Variants in NPRL3 observed in about 807,000 individuals in gnomAD.
NPRL3 encodes the protein NPR3 like, GATOR1 complex subunit.
NPRL3 carries 23 observed loss-of-function variants against 57.2 expected under a neutral mutation model. That is an observed-to-expected ratio of 0.40 (90% CI 0.29 to 0.57). The LOEUF (loss-of-function observed/expected upper bound fraction) is 0.57, where lower values mean the gene tolerates loss of function less well. Among genes scored for constraint, NPRL3 ranks in the 20% least tolerant of loss-of-function variants. NPRL3 has a pLI of 0.42. For synonymous variants in NPRL3, 333 were observed against 321.1 expected (o/e 1.04, Z -0.39); for missense variants, 691 against 767.1 (o/e 0.90, Z 1.17).
chr16:136,080 C>T (rs996560048), intron 2 of NPRL3, among the ~76,000 whole-genome samples: 1 of 152,166 alleles, frequency 6.6e-6, no homozygotes, highest in Non-Finnish European at 1.5e-5. Context: ...AATAAATATG[C>T]TCTTTATCCC....
At chr16:119,417 A>C (rs946398418) in intron 3 of NPRL3, 162 bp from the exon 4 acceptor site, 1 of 663,346 alleles carries the variant, frequency 1.5e-6, no homozygotes, top group African/African-American at 1.8e-5. Flanking sequence ...TTCTGTAGCA[A>C]TCCCAGAGGT....
intron 6 of NPRL3, 112 bp downstream of exon 6, chr16:112,510 C>A: frequency 8.8e-7 from 1 of 1,132,798 alleles, no homozygotes; most frequent in Non-Finnish European, 1.2e-6. Context: ...GGTGAGGCCC[C>A]GCCAACATCT....
intron 3 of NPRL3, among the ~76,000 whole-genome samples, chr16:126,598 A>C (rs1296744061): frequency 6.6e-6 from 1 of 152,164 alleles, no homozygotes; most frequent in Non-Finnish European, 1.5e-5. Context: ...GTGTCCACAC[A>C]GAGAGGGACA....
rs1899007087 is a variant in NPRL3 at position 96,401 on chromosome 16, C to A, written c.924+1744G>T. On this transcript the variant is annotated intron_variant, in intron 9 of 13. Transcript: ENST00000611875. ...TCATCAGGACACGGAGGGTCACTGC[C>A]TCCCTCACTCTGCAGGGTTGTATGG... Among the ~76,000 whole-genome samples, 3 of 152,126 alleles carry A rather than the reference C, an allele frequency of 2.0e-5. No individual in the cohort carries two copies. The South Asian group carries it at 6.2e-4, about 31-fold the overall frequency.
Position 130,503 on chromosome 16 carries a change from G to A in NPRL3, c.188+19C>T. 8 of 1,548,148 alleles carry A rather than the reference G, an allele frequency of 5.2e-6. No homozygotes were observed. The highest frequency in any genetic ancestry group is 1.4e-5 in the African/African-American group (1 of 73,194). ...GGACCAGGACACGCCCCGCCCTGAA[G>A]TGGCCGCAGAGCCTTTACCTGGAAT... On this transcript the variant is annotated intron_variant, in intron 3 of 13. Transcript: ENST00000611875.
At position 89,038 on chromosome 16, in the gene NPRL3, C is replaced by G. The variant is rs185389806; in HGVS notation, c.1352-148G>C. Reference sequence around the variant, plus strand: ...CTGCCTGCAAGCATTCGCTGCTGCCCCACCTCCTGGGTGTGACACGCCCCT... The same window carrying G: ...CTGCCTGCAAGCATTCGCTGCTGCCGCACCTCCTGGGTGTGACACGCCCCT... On this transcript the variant is annotated intron_variant, in intron 12 of 13. Transcript: ENST00000611875. 2.0e-3 allele frequency: 1,468 copies of G among 719,914 alleles called. 19 individuals are homozygous for G. The African/African-American group carries it at 0.023, about 11-fold the overall frequency. The allele number at this position is 719,914 out of a possible 1,614,324, so 44.6% of individuals were successfully genotyped here.
intron 13 of NPRL3, among the ~76,000 whole-genome samples, chr16:87,868 CTTTTTT>C (rs35061088): frequency 2.9e-5 from 4 of 137,534 alleles, no homozygotes; most frequent in Admixed American, 7.2e-5. Context: ...CCGCGCCTGA[CTTTTTT>C]TTTTTTTTTT....
intron 7 of NPRL3, among the ~76,000 whole-genome samples, chr16:105,863 G>A (rs1899503733): frequency 6.6e-6 from 1 of 152,206 alleles, no homozygotes; most frequent in South Asian, 2.1e-4. Flanking sequence ...GGGCCACTGG[G>A]ATCCACAGGG....
intron 5 of NPRL3, among the ~76,000 whole-genome samples, chr16:116,951 G>A (rs532704987): frequency 6.9e-6 from 1 of 144,980 alleles, no homozygotes; most frequent in South Asian, 2.3e-4. Context: ...CTCCAGCCTG[G>A]GTGACACAGC....
chr16:115,967 T>C (rs555012884), intron 5 of NPRL3, among the ~76,000 whole-genome samples: 4 of 152,346 alleles, frequency 2.6e-5, no homozygotes, highest in Admixed American at 2.0e-4. Flanking sequence ...TAAAAATCTT[T>C]ATTCTTGCTG....
chr16:111,447 T>A lies in NPRL3; in HGVS notation c.548-841A>T, dbSNP rs1159522616. Among the ~76,000 whole-genome samples the A allele has an allele frequency of 2.0e-5, 3 of 151,740 alleles. No homozygotes were observed. The East Asian group carries it at 5.8e-4, about 29-fold the overall frequency. On this transcript the variant is annotated intron_variant, in intron 6 of 13. Transcript: ENST00000611875. ...TACCTGTCAAAATTTATTTTATTTTTATTTATTTATTTTTTTTTTGAGACA... is the reference window on the plus strand; with the variant it reads ...TACCTGTCAAAATTTATTTTATTTTAATTTATTTATTTTTTTTTTGAGACA...
At chr16:112,592 C>T (rs1447252021) in intron 6 of NPRL3, 30 bp downstream of exon 6, 5 of 1,512,096 alleles carry the variant, frequency 3.3e-6, no homozygotes, top group Admixed American at 3.9e-5. Context: ...CCAGCCCAGA[C>T]CCATGCCCAT....
intron 9 of NPRL3, 81 bp downstream of exon 9, chr16:98,064 G>T: frequency 6.6e-7 from 1 of 1,520,690 alleles, no homozygotes; most frequent in Non-Finnish European, 9.0e-7. Context: ...AGCCCCTGTG[G>T]ATGTACTGTG....
chr16:108,658 C>CT (rs373555385), intron 7 of NPRL3, among the ~76,000 whole-genome samples: 16,064 of 115,490 alleles, frequency 0.14, 1,952 homozygotes, highest in African/African-American at 0.37. Flanking sequence ...TTTTATTTTA[C>CT]TTTTGTTTTT....
At chr16:130,445 G>C in intron 3 of NPRL3, 77 bp downstream of exon 3, 5 of 1,397,854 alleles carry the variant, frequency 3.6e-6, no homozygotes, top group Middle Eastern at 2.2e-4. Context: ...AAACATCTGG[G>C]TGAATAGGAG....
chr16:129,543 A>G (rs983452139), intron 3 of NPRL3, among the ~76,000 whole-genome samples: 10 of 152,158 alleles, frequency 6.6e-5, no homozygotes, highest in Admixed American at 1.3e-4. Context: ...GTGGTCAGGC[A>G]TGGTGGCTTA....
intron 5 of NPRL3, among the ~76,000 whole-genome samples, chr16:116,781 G>A: frequency 7.3e-6 from 1 of 137,606 alleles, no homozygotes; most frequent in African/African-American, 2.9e-5. Context: ...TGGCCAACAT[G>A]GCGAGACCCC....
At chr16:98,870 G>A (rs964823357) in intron 8 of NPRL3, among the ~76,000 whole-genome samples, 1 of 152,102 alleles carries the variant, frequency 6.6e-6, no homozygotes, top group Admixed American at 6.5e-5. Flanking sequence ...CCTGGGAGGC[G>A]GAGCTTGCAG....
rs180789021 is a variant in NPRL3, at chr16:93,924, G to C, written c.925-599C>G. Among the ~76,000 whole-genome samples, 499 of 152,280 alleles carry C rather than the reference G, an allele frequency of 3.3e-3. 2 individuals carry two copies. Among genetic ancestry groups the C allele is most frequent in the Non-Finnish European group, 4.5e-3 (303 of 68,018 alleles). On this transcript the variant is annotated intron_variant, in intron 9 of 13. Coordinates refer to ENST00000611875, the MANE Select transcript of NPRL3 (RefSeq NM_001077350.3). The stretch of plus-strand genomic sequence containing the variant: ...TGGCACTGTTTTCCCATCCTATGCT[G>C]TCTTGACTCCCACTGAAGAATGGTG...
Sources: allele counts gnomAD v4.1 joint callset (sites outside exome capture counted in the v4.1 genomes callset), GRCh38; gene constraint gnomAD v4.1.1; transcripts MANE v1.5; gene names NCBI Gene and HGNC (gene_info 2026-07-23, HGNC 2026-07-21).